The following HEATR1 variants were observed in gnomAD, a reference collection of about 807,000 sequenced individuals.
HEATR1 encodes the protein HEAT repeat-containing protein 1.
Under a neutral mutation model 248.2 loss-of-function variants are expected in HEATR1, and 77 were observed. The observed-to-expected ratio is 0.31, with a 90% confidence interval of 0.26 to 0.37. The LOEUF is 0.37. Ranked by LOEUF, HEATR1 falls within the 10% of genes least tolerant of loss-of-function variation. HEATR1 has a pLI of 1.00. For synonymous variants in HEATR1, 897 were observed against 923.1 expected (o/e 0.97, Z 0.51); for missense variants, 2,420 against 2,504.9 (o/e 0.97, Z 0.72).
At chr1:236,591,735 C>T (rs1664043229) in intron 11 of HEATR1, among the ~76,000 whole-genome samples, 1 of 90,308 alleles carries the variant, frequency 1.1e-5, no homozygotes, top group Non-Finnish European at 3.0e-5. Flanking sequence ...TAATGAATAT[C>T]CCATACAAAA....
intron 40 of HEATR1, 36 bp from the exon 41 acceptor site, chr1:236,555,500 C>A: frequency 6.2e-7 from 1 of 1,614,060 alleles, no homozygotes; most frequent in South Asian, 1.1e-5. Flanking sequence ...TCTTCGACAT[C>A]TTGTCACTTA....
At chr1:236,574,399 A>AT (rs1450913226) in intron 23 of HEATR1, 66 bp from the exon 24 acceptor site, 1 of 1,498,078 alleles carries the variant, frequency 6.7e-7, no homozygotes, top group Non-Finnish European at 9.1e-7. Flanking sequence ...AATAATTTTT[A>AT]TATCAACCTC....
chr1:236,557,158 C>T (rs200162950), intron 37 of HEATR1, 37 bp downstream of exon 37: 13 of 1,594,464 alleles, frequency 8.2e-6, no homozygotes, highest in Admixed American at 1.8e-5. Context: ...CCTTCCCCAG[C>T]CACCCTGCGT....
chr1:236,554,475 G>C, intron 42 of HEATR1, 123 bp downstream of exon 42: 1 of 806,030 alleles, frequency 1.2e-6, no homozygotes, highest in South Asian at 1.7e-5. Context: ...TCATTAAAAA[G>C]ACCAGAAAAA....
At chr1:236,565,733 G>T (rs767090473) in intron 31 of HEATR1, among the ~76,000 whole-genome samples, 186 bp downstream of exon 31, 27 of 152,188 alleles carry the variant, frequency 1.8e-4, no homozygotes. Flanking sequence ...AAAAGACAAT[G>T]TGTGAGGAAT....
At chr1:236,597,283 G>A (rs992159826) in intron 5 of HEATR1, among the ~76,000 whole-genome samples, 2 of 143,538 alleles carry the variant, frequency 1.4e-5, no homozygotes, top group African/African-American at 2.6e-5. Context: ...TTGAGATGGA[G>A]TCTCTGTCGC....
At chr1:236,594,766 T>C (rs903321484) in intron 8 of HEATR1, among the ~76,000 whole-genome samples, 2 of 152,210 alleles carry the variant, frequency 1.3e-5, no homozygotes, top group African/African-American at 2.4e-5. Flanking sequence ...TCTGTATTTA[T>C]TAAAAGACAT....
intron 28 of HEATR1, among the ~76,000 whole-genome samples, chr1:236,570,225 C>T (rs1663389160): frequency 6.6e-6 from 1 of 152,152 alleles, no homozygotes; most frequent in Admixed American, 6.5e-5. Flanking sequence ...AGAGGCAGAG[C>T]TTGCAGTGAG....
At chr1:236,577,730 C>T (rs145699985) in intron 20 of HEATR1, among the ~76,000 whole-genome samples, 4 of 152,090 alleles carry the variant, frequency 2.6e-5, no homozygotes, top group Non-Finnish European at 4.4e-5. Context: ...TCAGGTGATC[C>T]GCCCACCTCG....
rs747593301 is a variant in HEATR1, at chr1:236,558,296, C to G, written c.5145G>C (p.Leu1715=). Residue 1715 remains leucine (L), a synonymous_variant, in exon 36 of 45, where the codon CTG becomes CTC. Coordinates refer to ENST00000366582, the MANE Select transcript of HEATR1 (RefSeq NM_018072.6). The part of the protein sequence containing the change: ...KEEKNVLGSA[L]LCIAEVTSTL... ...TGGAGGTCACCTCTGCTATGCACAG[C>G]AGCGCGCTTCCCAGGACATTCTTCT... 1 of 1,614,226 alleles carries G rather than the reference C, an allele frequency of 6.2e-7. No homozygotes were observed. Among genetic ancestry groups the G allele is most frequent in the Non-Finnish European group, 8.5e-7 (1 of 1,180,044 alleles).
In HEATR1 at chr1:236,591,104, CTT is replaced by C. The variant is rs1664023851; in HGVS notation, c.1423-152_1423-151del. ...GAAAACAAACAAAAAAATGCAAAATCTTTGTTTCTAGAACATCACATGAGTTG... is the reference window on the plus strand; with the variant it reads ...GAAAACAAACAAAAAAATGCAAAATCTGTTTCTAGAACATCACATGAGTTG... On this transcript the variant is annotated intron_variant, in intron 11 of 44. Transcript: ENST00000366582. The C allele has an allele frequency of 2.0e-5, 8 of 396,594 alleles. No individual in the cohort carries two copies. In the East Asian group the frequency reaches 3.0e-4, roughly 15 times the overall value. 24.6% of individuals were successfully genotyped at this position (396,594 alleles called of 1,614,324 possible).
At chr1:236,583,707 G>C (rs964203663) in intron 17 of HEATR1, among the ~76,000 whole-genome samples, 1 of 151,920 alleles carries the variant, frequency 6.6e-6, no homozygotes, top group African/African-American at 2.4e-5. Flanking sequence ...GGTTGGTCTC[G>C]AACTCCTGTC....
At chr1:236,597,096 G>C (rs1354845059) in intron 5 of HEATR1, 120 bp from the exon 6 acceptor site, 2 of 727,708 alleles carry the variant, frequency 2.7e-6, no homozygotes, top group African/African-American at 3.6e-5. Context: ...CTGTACTCTA[G>C]CCTGGGCGAC....
Position 236,581,261 on chromosome 1 carries a change from T to C in HEATR1, c.2716A>G (p.Thr906Ala). ...GATGCCAGTTGGTGTTTACACTGTG[T>C]CTTCTGAGAAGAAAGCATTGCACAG... Reference protein sequence around the residue: ...VGCAMLSSQKTQCKHQLASIS... With the variant: ...VGCAMLSSQKAQCKHQLASIS... The change falls in exon 20 of 45, where the codon ACA (threonine) becomes GCA (alanine). Residue 906 changes from threonine (T) to alanine (A), a missense_variant. By Grantham distance (58) the Thr-to-Ala change is moderately conservative (BLOSUM62 0). Coordinates refer to ENST00000366582, the MANE Select transcript of HEATR1 (RefSeq NM_018072.6). 1 of 1,613,944 alleles carries C rather than the reference T, an allele frequency of 6.2e-7. No homozygotes were observed. The highest frequency in any genetic ancestry group is 1.1e-5 in the South Asian group (1 of 91,012).
chr1:236,578,858 T>C (rs895143583), intron 20 of HEATR1, among the ~76,000 whole-genome samples: 10 of 152,176 alleles, frequency 6.6e-5, no homozygotes, highest in African/African-American at 2.4e-4. Context: ...TTCAAAGATC[T>C]AGTAGGAATG....
intron 11 of HEATR1, among the ~76,000 whole-genome samples, chr1:236,591,681 A>G (rs546881292): frequency 6.6e-6 from 1 of 152,326 alleles, no homozygotes; most frequent in South Asian, 2.1e-4. Context: ...GATGAAAGAC[A>G]GAGAATGCTA....
intron 3 of HEATR1, 137 bp from the exon 4 acceptor site, chr1:236,599,761 G>T: frequency 1.3e-6 from 1 of 754,900 alleles, no homozygotes; most frequent in South Asian, 2.6e-5. Flanking sequence ...AAAATTATAA[G>T]ATACAGAGCA....
intron 41 of HEATR1, 54 bp from the exon 42 acceptor site, chr1:236,554,806 C>A: frequency 7.0e-7 from 1 of 1,437,182 alleles, no homozygotes; most frequent in South Asian, 1.3e-5. Flanking sequence ...ACCATTTAAT[C>A]TCCAATGTTT....
At chr1:236,556,337 A>ATGAG in intron 37 of HEATR1, 79 bp from the exon 38 acceptor site, 2 of 1,424,514 alleles carry the variant, frequency 1.4e-6, no homozygotes, top group Non-Finnish European at 2.0e-6. Flanking sequence ...AGGCTTCATG[A>ATGAG]TGAGGTACTA....
Sources: gnomAD v4.1 joint callset for allele counts (sites outside exome capture counted in the v4.1 genomes callset) on GRCh38, gnomAD v4.1.1 for gene constraint, MANE v1.5 for transcripts, NCBI Gene and HGNC (gene_info 2026-07-23, HGNC 2026-07-21) for gene names.